The following HSBP1L1 variants were observed in gnomAD, a reference collection of about 807,000 sequenced individuals.
HSBP1L1 encodes heat shock factor binding protein 1 like 1.
In HSBP1L1, 8 loss-of-function variants were observed where a neutral mutation model predicts 9.7. The observed-to-expected ratio is 0.82, with a 90% CI of 0.48 to 1.48. The LOEUF is 1.48. Ranked by LOEUF, HSBP1L1 falls within the 40% of genes most tolerant of loss-of-function variation. HSBP1L1 has a pLI of 0.00. For synonymous variants in HSBP1L1, 39 were observed against 34.4 expected (o/e 1.13, Z -0.46); for missense variants, 106 against 95.8 (o/e 1.11, Z -0.44).
At chr18:79,969,355 G>GAA (rs1431639354) in intron 3 of HSBP1L1, among the ~76,000 whole-genome samples, 2 of 43,932 alleles carry the variant, frequency 4.6e-5, no homozygotes, top group Admixed American at 2.8e-4. Context: ...AAGAAAGAAA[G>GAA]AAAGAAAGAA....
In HSBP1L1 at chr18:79,964,745, CG is replaced by C; in HGVS notation, c.14del (p.Gly5AlafsTer28). 1 of 1,422,720 alleles carries C rather than the reference CG, an allele frequency of 7.0e-7. No individual in the cohort carries two copies. Among genetic ancestry groups the C allele is most frequent in the Non-Finnish European group, 9.2e-7 (1 of 1,090,698 alleles). The allele number at this position is 1,422,720 out of a possible 1,614,324, so 88.1% of individuals were successfully genotyped here. A position where few individuals can be genotyped will look rare whatever the true frequency, so the allele number is the denominator to read the frequency against. ...CCGGCCAGCGGTCCACATGGACGTG[CG>C]GGGCCCTGAAGCCCCCGGCGGGCGC... MDV[R>X]GPEAPGGRAL... On this transcript the variant is annotated frameshift_variant, in exon 1 of 4. Transcript: ENST00000451882. LOFTEE classifies it high-confidence loss of function.
chr18:79,969,000 G>T (rs1467835608), intron 3 of HSBP1L1, among the ~76,000 whole-genome samples: 1 of 139,160 alleles, frequency 7.2e-6, no homozygotes, highest in Non-Finnish European at 1.5e-5. Flanking sequence ...TGTGAATGGT[G>T]AAAGCCCGTC....
intron 2 of HSBP1L1, 47 bp from the exon 3 acceptor site, chr18:79,968,042 C>T (rs1235397485): frequency 1.3e-5 from 16 of 1,204,808 alleles, no homozygotes; most frequent in South Asian, 2.8e-5. Context: ...GGCTGTGCCT[C>T]GGCGGCTCTG....
chr18:79,967,333 C>G (rs957946106), intron 2 of HSBP1L1, among the ~76,000 whole-genome samples: 1 of 152,108 alleles, frequency 6.6e-6, no homozygotes, highest in African/African-American at 2.4e-5. Flanking sequence ...CACAGGATCC[C>G]AGATACGGCT....
chr18:79,969,335 GAA>G (rs1277031309), intron 3 of HSBP1L1, among the ~76,000 whole-genome samples: 1 of 16,370 alleles, frequency 6.1e-5, no homozygotes, highest in Non-Finnish European at 1.2e-4. Context: ...GAAAGAAAAA[GAA>G]AGAAAGAAAG....
chr18:79,966,272 G>GACAA (rs1322615033), intron 1 of HSBP1L1, among the ~76,000 whole-genome samples: 42 of 152,202 alleles, frequency 2.8e-4, no homozygotes, highest in African/African-American at 1.0e-3. Context: ...GGCCAGGTGT[G>GACAA]GTGGCTCATG....
At chr18:79,966,396 T>C (rs2145033904) in intron 1 of HSBP1L1, among the ~76,000 whole-genome samples, 1 of 152,190 alleles carries the variant, frequency 6.6e-6, no homozygotes, top group East Asian at 2.0e-4. Context: ...GTATAAACAT[T>C]AGCTGGGCCT....
In HSBP1L1 at chr18:79,966,683, C is replaced by G. The variant is rs1197586185; in HGVS notation, c.118+5C>G. The G allele has an allele frequency of 2.0e-6, 3 of 1,529,930 alleles. No individual in the cohort carries two copies. In the Middle Eastern group the frequency reaches 5.0e-4, roughly 257 times the overall value. 94.8% of individuals were successfully genotyped at this position (1,529,930 alleles called of 1,614,324 possible). A position where few individuals can be genotyped will look rare whatever the true frequency, so the allele number is the denominator to read the frequency against. ...CGGCAACATTAAACCTCAGAAATAT[C>G]CTTTTCTACCTTTAACAAATGCTGT... On this transcript the variant is annotated splice_donor_5th_base_variant and intron_variant, in intron 2 of 3. Coordinates refer to ENST00000451882, the MANE Select transcript of HSBP1L1 (RefSeq NM_001136180.2).
intron 2 of HSBP1L1, 59 bp from the exon 3 acceptor site, chr18:79,968,030 C>T: frequency 9.5e-7 from 1 of 1,055,600 alleles, no homozygotes; most frequent in Non-Finnish European, 1.4e-6. Context: ...TGAGGACATC[C>T]TGGCTGTGCC....
chr18:79,968,217 CGTATGTTTTGACTGCTTTCATCTT>C (rs1568356006), intron 3 of HSBP1L1, 34 bp downstream of exon 3: 1 of 1,315,146 alleles, frequency 7.6e-7, no homozygotes, highest in Admixed American at 2.0e-5. Flanking sequence ...CAACCGTTTT[CGTATGTTTTGACTGCTTTCATCTT>C]GAAACATACA....
At position 79,969,259 on chromosome 18, in the gene HSBP1L1, AGAGGGAGGGAGG is replaced by A. The variant is rs1212643878; in HGVS notation, c.213+1104_213+1115del. ...AGGAGAGAGAGGAGAGGAGAGAGAGAGAGGGAGGGAGGGAGGGAGGGAGGGAGGGAGGGAGGG... is the reference window on the plus strand; with the variant it reads ...AGGAGAGAGAGGAGAGGAGAGAGAGAGAGGGAGGGAGGGAGGGAGGGAGGG... On this transcript the variant is annotated intron_variant, in intron 3 of 3. Coordinates refer to ENST00000451882, the MANE Select transcript of HSBP1L1 (RefSeq NM_001136180.2). Among the ~76,000 whole-genome samples the A allele has an allele frequency of 2.7e-3, 54 of 20,346 alleles. 1 individual carries two copies. Among genetic ancestry groups the A allele is most frequent in the African/African-American group, 5.9e-3 (36 of 6,056 alleles). 13.3% of individuals were successfully genotyped at this position (20,346 alleles called of 152,430 possible). A position where few individuals can be genotyped will look rare whatever the true frequency, so the allele number is the denominator to read the frequency against.
intron 3 of HSBP1L1, 165 bp from the exon 4 acceptor site, chr18:79,970,275 C>A (rs1047787776): frequency 3.0e-5 from 18 of 599,980 alleles, no homozygotes; most frequent in Non-Finnish European, 5.6e-5. Context: ...AGGTAGACAG[C>A]AGGTACATAA....
intron 1 of HSBP1L1, among the ~76,000 whole-genome samples, chr18:79,966,410 G>T (rs989326571): frequency 3.9e-5 from 6 of 152,116 alleles, no homozygotes; most frequent in African/African-American, 1.4e-4. Context: ...TGGGCCTGGT[G>T]GCACATGCTT....
chr18:79,970,407 T>G lies in HSBP1L1; in HGVS notation c.214-33T>G, dbSNP rs758492045. 9.7e-6 allele frequency: 7 copies of G among 718,398 alleles called. No individual in the cohort carries two copies. In the South Asian group the frequency reaches 1.0e-4, roughly 11 times the overall value. 44.5% of individuals were successfully genotyped at this position (718,398 alleles called of 1,614,324 possible). On this transcript the variant is annotated intron_variant, in intron 3 of 3. Coordinates refer to ENST00000451882, the MANE Select transcript of HSBP1L1 (RefSeq NM_001136180.2). ...ACATACTTAATACACCTGATAGGAGTTACGGCCTGAACGTTTATGTCTCCC... is the reference window on the plus strand; with the variant it reads ...ACATACTTAATACACCTGATAGGAGGTACGGCCTGAACGTTTATGTCTCCC...
intron 3 of HSBP1L1, among the ~76,000 whole-genome samples, 182 bp downstream of exon 3, chr18:79,968,365 C>T (rs1043079890): frequency 4.6e-5 from 7 of 152,172 alleles, no homozygotes; most frequent in Non-Finnish European, 7.3e-5. Context: ...CTTGCTCTGT[C>T]GCCCAGGCTG....
chr18:79,969,142 CTG>C (rs1330419508), intron 3 of HSBP1L1, among the ~76,000 whole-genome samples: 1 of 148,906 alleles, frequency 6.7e-6, no homozygotes, highest in Admixed American at 6.7e-5. Context: ...TGAGCCGAGA[CTG>C]TGCCACGGCA....
chr18:79,969,217 A>AG (rs149612593), intron 3 of HSBP1L1, among the ~76,000 whole-genome samples: 9 of 114,446 alleles, frequency 7.9e-5, no homozygotes, highest in African/African-American at 2.2e-4. Context: ...AGAAAGAAAG[A>AG]AAGAAAGAGG....
intron 2 of HSBP1L1, 83 bp downstream of exon 2, chr18:79,966,761 T>C (rs1462373335): frequency 2.1e-5 from 20 of 950,750 alleles, no homozygotes; most frequent in South Asian, 3.0e-5. Flanking sequence ...TGTCTGGTAG[T>C]AGTAGGTAAT....
chr18:79,968,330 CTCTCT>C (rs1369431894), intron 3 of HSBP1L1, 147 bp downstream of exon 3: 3 of 602,280 alleles, frequency 5.0e-6, no homozygotes, highest in Non-Finnish European at 8.8e-6. Flanking sequence ...TTTCCAAATG[CTCTCT>C]TCTTTTTTTG....
Sources: gnomAD v4.1 joint callset for allele counts (sites outside exome capture counted in the v4.1 genomes callset) on GRCh38, gnomAD v4.1.1 for gene constraint, MANE v1.5 for transcripts, NCBI Gene and HGNC (gene_info 2026-07-23, HGNC 2026-07-21) for gene names.